Variants in GRAMD1B observed in about 807,000 individuals in gnomAD.
GRAMD1B encodes GRAM domain containing 1B.
A neutral mutation model predicts 99.7 loss-of-function variants in GRAMD1B; 37 were observed. The observed-to-expected ratio is 0.37, with a 90% CI of 0.29 to 0.49. The LOEUF (loss-of-function observed/expected upper bound fraction) is 0.49, where lower values mean the gene tolerates loss of function less well. Ranked by LOEUF, GRAMD1B falls within the 20% of genes least tolerant of loss-of-function variation. The probability of loss-of-function intolerance (pLI) is 0.98; values close to 1 mark genes in which losing one functional copy is unlikely to be tolerated. For missense variants in GRAMD1B, 888 were observed against 1,009.2 expected (o/e 0.88, Z 1.63); for synonymous variants, 427 against 387.6 (o/e 1.10, Z -1.19).
chr11:123,503,096 T>G (rs1175339774), intron 2 of GRAMD1B, among the ~76,000 whole-genome samples: 2 of 152,206 alleles, frequency 1.3e-5, no homozygotes, highest in Non-Finnish European at 2.9e-5. Flanking sequence ...AGGGATTGTT[T>G]GTACTGTCAT....
At chr11:123,419,433 C>A (rs552587799) in intron 1 of GRAMD1B, among the ~76,000 whole-genome samples, 1 of 152,212 alleles carries the variant, frequency 6.6e-6, no homozygotes, top group Admixed American at 6.5e-5. Flanking sequence ...AGTTCAAGAC[C>A]AGCCTGGGCA....
intron 1 of GRAMD1B, among the ~76,000 whole-genome samples, chr11:123,395,825 TAA>T (rs1179648346): frequency 6.6e-6 from 1 of 152,230 alleles, no homozygotes; most frequent in Non-Finnish European, 1.5e-5. Context: ...TAAAGAGACC[TAA>T]GTTACTCAGT....
intron 1 of GRAMD1B, among the ~76,000 whole-genome samples, chr11:123,476,996 G>T (rs1437284040): frequency 6.6e-6 from 1 of 152,074 alleles, no homozygotes; most frequent in Non-Finnish European, 1.5e-5. Flanking sequence ...CTGATTCTAA[G>T]CACTTTGAGA....
intron 4 of GRAMD1B, among the ~76,000 whole-genome samples, chr11:123,590,784 G>C (rs1361024282): frequency 6.6e-6 from 1 of 152,192 alleles, no homozygotes; most frequent in Non-Finnish European, 1.5e-5. Context: ...GCCCGCCCAG[G>C]GTAGAGGTTG....
chr11:123,552,561 T>C (rs550009547), intron 2 of GRAMD1B, among the ~76,000 whole-genome samples: 1 of 151,740 alleles, frequency 6.6e-6, no homozygotes, highest in Non-Finnish European at 1.5e-5. Flanking sequence ...TGTCTTCTCT[T>C]TCAAAGGCAG....
chr11:123,544,855 G>C (rs1222252355), intron 2 of GRAMD1B, among the ~76,000 whole-genome samples: 2 of 152,260 alleles, frequency 1.3e-5, no homozygotes, highest in Non-Finnish European at 2.9e-5. Context: ...TCCTTAAAGG[G>C]ACAGCGAGCT....
At chr11:123,359,461 G>T (rs1485193932) in intron 1 of GRAMD1B, among the ~76,000 whole-genome samples, 1 of 151,990 alleles carries the variant, frequency 6.6e-6, no homozygotes, top group Non-Finnish European at 1.5e-5. Context: ...GAGAAGGTGT[G>T]GTCATTAGAA....
intron 3 of GRAMD1B, among the ~76,000 whole-genome samples, chr11:123,580,971 T>C (rs1949294443): frequency 6.6e-6 from 1 of 151,368 alleles, no homozygotes; most frequent in Non-Finnish European, 1.5e-5. Flanking sequence ...CTGATCAAAG[T>C]AAGAATTGTT....
chr11:123,405,474 T>G (rs548964609), intron 1 of GRAMD1B, among the ~76,000 whole-genome samples: 1 of 152,266 alleles, frequency 6.6e-6, no homozygotes, highest in Admixed American at 6.5e-5. Context: ...CCCTGCTAAC[T>G]TGTGGGTTAG....
chr11:123,420,885 A>G (rs554377338), intron 1 of GRAMD1B, among the ~76,000 whole-genome samples: 1 of 152,312 alleles, frequency 6.6e-6, no homozygotes, highest in Admixed American at 6.5e-5. Flanking sequence ...TTATTATGAG[A>G]CTTAAATAAC....
intron 2 of GRAMD1B, among the ~76,000 whole-genome samples, chr11:123,525,089 T>A (rs1290256956): frequency 6.6e-6 from 1 of 152,166 alleles, no homozygotes; most frequent in Non-Finnish European, 1.5e-5. Context: ...GGATTGGTGA[T>A]CATGTTGCCT....
intron 2 of GRAMD1B, among the ~76,000 whole-genome samples, chr11:123,490,610 A>G (rs1938443833): frequency 6.6e-6 from 1 of 152,236 alleles, no homozygotes; most frequent in Non-Finnish European, 1.5e-5. Context: ...AAAAAGAAGC[A>G]GACAAATTCA....
At chr11:123,553,804 G>A (rs1157079663) in intron 2 of GRAMD1B, among the ~76,000 whole-genome samples, 1 of 152,128 alleles carries the variant, frequency 6.6e-6, no homozygotes, top group Non-Finnish European at 1.5e-5. Context: ...TATATCCTAA[G>A]CATTAATTCA....
intron 1 of GRAMD1B, among the ~76,000 whole-genome samples, chr11:123,456,066 A>C (rs540519428): frequency 2.0e-5 from 3 of 152,058 alleles, no homozygotes; most frequent in Non-Finnish European, 4.4e-5. Context: ...AGCTACTCGG[A>C]AGCCTGAGGC....
chr11:123,413,938 T>A (rs906833951), intron 1 of GRAMD1B, among the ~76,000 whole-genome samples: 1 of 152,202 alleles, frequency 6.6e-6, no homozygotes, highest in Admixed American at 6.5e-5. Context: ...AAGTCATCAT[T>A]TATTCAAGGT....
At chr11:123,551,283 C>T (rs570305748) in intron 2 of GRAMD1B, among the ~76,000 whole-genome samples, 1 of 152,198 alleles carries the variant, frequency 6.6e-6, no homozygotes, top group Admixed American at 6.5e-5. Flanking sequence ...AGGGCAGGGC[C>T]CAGAAAGGGA....
intron 16 of GRAMD1B, 26 bp from the exon 17 acceptor site, chr11:123,614,719 G>T: frequency 6.9e-7 from 1 of 1,457,750 alleles, no homozygotes; most frequent in Non-Finnish European, 9.6e-7. Context: ...TCACCATGGT[G>T]ATGGTCTCTT....
chr11:123,592,587 CAGTGTG>C (rs994643125), intron 4 of GRAMD1B, among the ~76,000 whole-genome samples: 1 of 152,180 alleles, frequency 6.6e-6, no homozygotes, highest in African/African-American at 2.4e-5. Flanking sequence ...CTGGGGTTTT[CAGTGTG>C]TGGACTCTGT....
intron 1 of GRAMD1B, among the ~76,000 whole-genome samples, chr11:123,448,947 C>T (rs974265328): frequency 6.6e-6 from 1 of 152,218 alleles, no homozygotes; most frequent in African/African-American, 2.4e-5. Flanking sequence ...CTGTTCCCCT[C>T]CTGCTTCATC....
Sources: gnomAD v4.1 joint callset for allele counts (sites outside exome capture counted in the v4.1 genomes callset) on GRCh38, gnomAD v4.1.1 for gene constraint, MANE v1.5 for transcripts, NCBI Gene and HGNC (gene_info 2026-07-23, HGNC 2026-07-21) for gene names.